The following BCHE variants were observed in gnomAD, a reference collection of about 807,000 sequenced individuals.
BCHE encodes butyrylcholinesterase.
In BCHE, 48 loss-of-function variants were observed where a neutral mutation model predicts 51.3. That is an observed-to-expected ratio of 0.94 (90% CI 0.74 to 1.19). BCHE has a LOEUF of 1.19. BCHE is among the 50% of genes most tolerant of loss of function. BCHE has a pLI of 0.00. For missense variants in BCHE, 847 were observed against 708.2 expected (o/e 1.20, Z -2.23); for synonymous variants, 251 against 238.0 (o/e 1.05, Z -0.50).
chr3:165,829,917 T>C lies in BCHE; in HGVS notation c.1117A>G (p.Ile373Val), dbSNP rs1425939972. Residue 373 changes from isoleucine to valine, a missense_variant, in exon 2 of 4, where the codon ATA becomes GTA. Ile to Val is a conservative substitution (Grantham distance 29, BLOSUM62 3). Coordinates refer to ENST00000264381, the MANE Select transcript of BCHE (RefSeq NM_000055.4). ...CCTTCCTGAAATTCTTTTCTAGTTA[T>C]GATACTATTGTTATCTTTGCTGAAG... Reference protein sequence around the residue: ...PGFSKDNNSIITRKEFQEGLK... With the variant: ...PGFSKDNNSIVTRKEFQEGLK... 3.7e-6 allele frequency: 6 copies of C among 1,612,822 alleles called. No individual in the cohort carries two copies. Among genetic ancestry groups the C allele is most frequent in the Non-Finnish European group, 5.1e-6 (6 of 1,179,642 alleles).
intron 2 of BCHE, among the ~76,000 whole-genome samples, chr3:165,807,188 T>C (rs1242217866): frequency 6.6e-6 from 1 of 152,102 alleles, no homozygotes; most frequent in Non-Finnish European, 1.5e-5. Context: ...TGGTATTTTT[T>C]ATAAGTTCAT....
chr3:165,819,279 T>C (rs962930131), intron 2 of BCHE, among the ~76,000 whole-genome samples: 4 of 151,406 alleles, frequency 2.6e-5, no homozygotes, highest in African/African-American at 7.3e-5. Context: ...GGGTTTACCA[T>C]ATTAGCCAGG....
chr3:165,788,606 A>C (rs974471325), intron 2 of BCHE, among the ~76,000 whole-genome samples: 5 of 152,116 alleles, frequency 3.3e-5, no homozygotes, highest in Non-Finnish European at 7.4e-5. Context: ...GATTCAGTAC[A>C]GCAATTCTTA....
At chr3:165,777,034 A>G (rs966431675) in intron 3 of BCHE, among the ~76,000 whole-genome samples, 2 of 151,928 alleles carry the variant, frequency 1.3e-5, no homozygotes, top group Non-Finnish European at 2.9e-5. Flanking sequence ...AGAAAAAAAT[A>G]GAGTTGGCAA....
At chr3:165,825,969 A>G (rs1320361683) in intron 2 of BCHE, among the ~76,000 whole-genome samples, 1 of 152,150 alleles carries the variant, frequency 6.6e-6, no homozygotes, top group Non-Finnish European at 1.5e-5. Flanking sequence ...AGCCAGAAGA[A>G]CAGCTAAAAT....
chr3:165,785,440 A>G (rs1333342194), intron 3 of BCHE, among the ~76,000 whole-genome samples: 3 of 151,860 alleles, frequency 2.0e-5, no homozygotes, highest in African/African-American at 7.2e-5. Flanking sequence ...CACATGTTTG[A>G]TCACTCAAGT....
At chr3:165,782,447 G>T (rs829501) in intron 3 of BCHE, among the ~76,000 whole-genome samples, 1 of 152,018 alleles carries the variant, frequency 6.6e-6, no homozygotes, top group Non-Finnish European at 1.5e-5. Context: ...ATAACTTTTT[G>T]AGTTCACTTC....
At chr3:165,789,752 A>G (rs1576841595) in intron 2 of BCHE, among the ~76,000 whole-genome samples, 1 of 152,246 alleles carries the variant, frequency 6.6e-6, no homozygotes, top group Admixed American at 6.5e-5. Flanking sequence ...ATTCCATGTC[A>G]CTTAAATGAT....
chr3:165,804,077 A>T (rs943223807), intron 2 of BCHE, among the ~76,000 whole-genome samples: 2 of 151,364 alleles, frequency 1.3e-5, no homozygotes, highest in Admixed American at 1.3e-4. Context: ...AACTCTGATG[A>T]TTTCTGGGTT....
intron 2 of BCHE, among the ~76,000 whole-genome samples, chr3:165,823,241 C>A (rs1208026474): frequency 1.3e-5 from 2 of 151,938 alleles, no homozygotes; most frequent in Non-Finnish European, 2.9e-5. Context: ...ATTAAGAAAT[C>A]AAATTTAAAA....
At chr3:165,793,579 G>A (rs765888112) in intron 2 of BCHE, among the ~76,000 whole-genome samples, 10 of 152,120 alleles carry the variant, frequency 6.6e-5, no homozygotes, top group Admixed American at 1.3e-4. Flanking sequence ...TTACCTCTTC[G>A]TCCTTCACAG....
intron 2 of BCHE, among the ~76,000 whole-genome samples, chr3:165,819,198 C>A (rs995845712): frequency 5.3e-5 from 8 of 151,548 alleles, no homozygotes; most frequent in Non-Finnish European, 5.9e-5. Flanking sequence ...CCTGCCTTAG[C>A]TTCCAGAGTT....
At chr3:165,778,054 A>T (rs1712541899) in intron 3 of BCHE, among the ~76,000 whole-genome samples, 1 of 152,082 alleles carries the variant, frequency 6.6e-6, no homozygotes, top group Non-Finnish European at 1.5e-5. Context: ...CAAGAGTTAC[A>T]GGCAGATTTT....
intron 2 of BCHE, among the ~76,000 whole-genome samples, chr3:165,799,122 T>G (rs138393502): frequency 6.6e-6 from 1 of 152,148 alleles, no homozygotes; most frequent in African/African-American, 2.4e-5. Flanking sequence ...AACTTTTAAG[T>G]TAAAATATTT....
intron 2 of BCHE, among the ~76,000 whole-genome samples, chr3:165,802,942 C>T (rs986711837): frequency 6.6e-6 from 1 of 152,046 alleles, no homozygotes; most frequent in East Asian, 1.9e-4. Flanking sequence ...GGGGTTTCAC[C>T]GTTTTAGCCT....
intron 2 of BCHE, chr3:165,827,847 G>A (rs931071045): frequency 3.8e-5 from 11 of 291,054 alleles, no homozygotes; most frequent in African/African-American, 2.3e-4. Context: ...ATGTTGAGAA[G>A]GAATAAAATA....
At chr3:165,824,772 T>C (rs955877018) in intron 2 of BCHE, among the ~76,000 whole-genome samples, 2 of 152,110 alleles carry the variant, frequency 1.3e-5, no homozygotes, top group East Asian at 3.9e-4. Flanking sequence ...CTGTTAGGGA[T>C]AAATTTAGTT....
intron 2 of BCHE, among the ~76,000 whole-genome samples, chr3:165,817,572 C>T (rs151021532): frequency 1.3e-5 from 2 of 152,026 alleles, no homozygotes; most frequent in African/African-American, 4.8e-5. Flanking sequence ...ATACTTTAGT[C>T]TTAGAGGTTG....
intron 2 of BCHE, among the ~76,000 whole-genome samples, chr3:165,798,522 G>A (rs375222082): frequency 6.6e-6 from 1 of 152,064 alleles, no homozygotes; most frequent in Non-Finnish European, 1.5e-5. Context: ...AGATTATATA[G>A]ATAAGGAAGC....
Sources: gnomAD v4.1 joint callset for allele counts (sites outside exome capture counted in the v4.1 genomes callset) on GRCh38, gnomAD v4.1.1 for gene constraint, MANE v1.5 for transcripts, NCBI Gene and HGNC (gene_info 2026-07-23, HGNC 2026-07-21) for gene names.